SHANK2: variants seen among roughly 807,000 people sequenced by gnomAD.
SHANK2 encodes SH3 and multiple ankyrin repeat domains protein 2.
In SHANK2, 43 loss-of-function variants were observed where a neutral mutation model predicts 133.7. The observed-to-expected ratio is 0.32, with a 90% CI of 0.25 to 0.41. The LOEUF (loss-of-function observed/expected upper bound fraction) is 0.41, where lower values mean the gene tolerates loss of function less well. Ranked by LOEUF, SHANK2 falls within the 10% of genes least tolerant of loss-of-function variation. The pLI, the probability that SHANK2 is intolerant of heterozygous loss-of-function variation, is 1.00. For synonymous variants in SHANK2, 1,017 were observed against 952.8 expected (o/e 1.07, Z -1.24); for missense variants, 1,994 against 2,235.8 (o/e 0.89, Z 2.18).
chr11:70,819,931 T>A (rs1364573844), intron 12 of SHANK2, among the ~76,000 whole-genome samples: 2 of 152,184 alleles, frequency 1.3e-5, no homozygotes, highest in East Asian at 3.9e-4. Context: ...ACCCTCAATT[T>A]GGATAAGGTG....
At chr11:70,879,316 T>C (rs1949620126) in intron 11 of SHANK2, among the ~76,000 whole-genome samples, 1 of 152,264 alleles carries the variant, frequency 6.6e-6, no homozygotes, top group African/African-American at 2.4e-5. Flanking sequence ...AAACCTTTCC[T>C]CTGTGCAATT....
rs61386794 is a variant in SHANK2 at position 70,951,525 on chromosome 11, T to C, written c.1108-54958A>G. Among the ~76,000 whole-genome samples the C allele has an allele frequency of 8.8e-3, 1,099 of 125,272 alleles. 60 individuals carry two copies. The East Asian group carries it at 0.15, about 18-fold the overall frequency. 82.2% of individuals were successfully genotyped at this position (125,272 alleles called of 152,430 possible). ...ATTTCCCCTGGCTGCTGTGCTGTGA[T>C]GTCATAAATTCATTTCCCCTGGCTG... On this transcript the variant is annotated intron_variant, in intron 10 of 25. Coordinates refer to ENST00000601538, the MANE Select transcript of SHANK2 (RefSeq NM_012309.5).
At chr11:71,152,956 C>T (rs1952825416) in intron 2 of SHANK2, among the ~76,000 whole-genome samples, 1 of 152,204 alleles carries the variant, frequency 6.6e-6, no homozygotes, top group Non-Finnish European at 1.5e-5. Flanking sequence ...GCATTTCAGA[C>T]AAACAACAAA....
chr11:70,807,522 A>C lies in SHANK2; in HGVS notation c.1494-351T>G, dbSNP rs981920860. ...CCAAACATACAATGGAACGCTGTTT[A>C]GCCTCCATCAGGAATTAAACTCTGG... On this transcript the variant is annotated intron_variant, in intron 12 of 25. Coordinates refer to ENST00000601538, the MANE Select transcript of SHANK2 (RefSeq NM_012309.5). This position sits in a 1 kb window ranked among gnomAD's most constrained non-coding sequence, Gnocchi z 4.8. Among the ~76,000 whole-genome samples, 13 of 152,186 alleles carry C rather than the reference A, an allele frequency of 8.5e-5. No homozygotes were observed. Among genetic ancestry groups the C allele is most frequent in the Admixed American group, 8.5e-4 (13 of 15,274 alleles).
chr11:70,498,052 C>T (rs1373676651), intron 21 of SHANK2, among the ~76,000 whole-genome samples: 1 of 152,226 alleles, frequency 6.6e-6, no homozygotes, highest in Non-Finnish European at 1.5e-5. Context: ...TGGGGCTGCT[C>T]CACCTCTTCA....
intron 11 of SHANK2, chr11:70,896,242 A>G (rs1949932796): frequency 5.3e-6 from 2 of 376,968 alleles, no homozygotes. Context: ...AGGGACTGTC[A>G]GAATAGATCA....
chr11:70,737,383 G>A lies in SHANK2; in HGVS notation c.1778-38620C>T, dbSNP rs76349985. 5.8e-3 allele frequency among the ~76,000 whole-genome samples: 886 copies of A among 152,236 alleles called. 10 individuals are homozygous for A. The highest frequency in any genetic ancestry group is 0.02 in the African/African-American group (839 of 41,536). ...AATGATCCTCACCCATCAGGGTCCCGGGCTCAGCTCTGTGCCCTCTGCACC... is the reference window on the plus strand; with the variant it reads ...AATGATCCTCACCCATCAGGGTCCCAGGCTCAGCTCTGTGCCCTCTGCACC... On this transcript the variant is annotated intron_variant, in intron 14 of 25. Coordinates refer to ENST00000601538, the MANE Select transcript of SHANK2 (RefSeq NM_012309.5).
At chr11:71,125,710 C>T (rs1952169345) in intron 3 of SHANK2, among the ~76,000 whole-genome samples, 1 of 152,170 alleles carries the variant, frequency 6.6e-6, no homozygotes, top group African/African-American at 2.4e-5. Flanking sequence ...ATGAAGGCGG[C>T]TACACTAAAC....
At chr11:70,494,887 GC>G (rs782414613) in intron 21 of SHANK2, among the ~76,000 whole-genome samples, 2 of 152,176 alleles carry the variant, frequency 1.3e-5, no homozygotes, top group Non-Finnish European at 2.9e-5. Flanking sequence ...CCCCAATTCT[GC>G]GTCCCTGCTC....
intron 21 of SHANK2, among the ~76,000 whole-genome samples, chr11:70,493,373 T>TAAAA (rs71049919): frequency 8.1e-6 from 1 of 123,432 alleles, no homozygotes; most frequent in Non-Finnish European, 1.7e-5. Flanking sequence ...CCATTTCCTT[T>TAAAA]AAAAAAAAAA....
chr11:70,676,362 G>A (rs928806799), intron 15 of SHANK2, among the ~76,000 whole-genome samples: 2 of 152,238 alleles, frequency 1.3e-5, no homozygotes. Context: ...GGGACCTCTG[G>A]GAAAGGCTGG....
At chr11:70,660,059 C>T in intron 16 of SHANK2, 107 bp from the exon 17 acceptor site, 4 of 1,449,196 alleles carry the variant, frequency 2.8e-6, no homozygotes, top group Non-Finnish European at 2.9e-6. Flanking sequence ...CACTCATCTC[C>T]CATTGCAGGT....
intron 17 of SHANK2, among the ~76,000 whole-genome samples, chr11:70,619,250 G>T (rs2060798279): frequency 6.6e-6 from 1 of 152,212 alleles, no homozygotes; most frequent in Admixed American, 6.5e-5. Context: ...CAGTTCTGTA[G>T]GTCAGAGGGC....
intron 17 of SHANK2, among the ~76,000 whole-genome samples, chr11:70,526,077 ACTC>A (rs1455505920): frequency 1.4e-5 from 2 of 146,954 alleles, no homozygotes; most frequent in African/African-American, 5.1e-5. Context: ...AATGGAATGA[ACTC>A]CTGGTAGCAA....
chr11:71,250,954 GA>G (rs1555125753), intron 1 of SHANK2, among the ~76,000 whole-genome samples: 1 of 151,904 alleles, frequency 6.6e-6, no homozygotes, highest in Non-Finnish European at 1.5e-5. Flanking sequence ...AGTTTCAAAC[GA>G]AAAAGAGGTC....
At chr11:70,869,829 G>A (rs782338084) in intron 11 of SHANK2, among the ~76,000 whole-genome samples, 6 of 152,154 alleles carry the variant, frequency 3.9e-5, no homozygotes, top group African/African-American at 9.7e-5. Flanking sequence ...ACTTACTGCC[G>A]CACTGGGTGC....
intron 2 of SHANK2, among the ~76,000 whole-genome samples, chr11:71,195,095 T>G (rs1555115997): frequency 6.6e-6 from 1 of 152,170 alleles, no homozygotes; most frequent in Non-Finnish European, 1.5e-5. Flanking sequence ...TATTTAGTAT[T>G]AAAAAGTGCC....
At chr11:70,903,555 C>T (rs1244771975) in intron 10 of SHANK2, among the ~76,000 whole-genome samples, 2 of 152,112 alleles carry the variant, frequency 1.3e-5, no homozygotes, top group African/African-American at 2.4e-5. Context: ...ACTGGGGACT[C>T]GATCCATCAC....
intron 9 of SHANK2, among the ~76,000 whole-genome samples, chr11:71,060,752 AG>A (rs1950977472): frequency 6.6e-6 from 1 of 152,252 alleles, no homozygotes; most frequent in South Asian, 2.1e-4. Flanking sequence ...GCTGAGAAAA[AG>A]CAAACACAAG....
Sources: gnomAD v4.1 joint callset for allele counts (sites outside exome capture counted in the v4.1 genomes callset) on GRCh38, gnomAD v4.1.1 for gene constraint, Gnocchi (gnomAD v3.1) non-coding constraint, MANE v1.5 for transcripts, NCBI Gene and HGNC (gene_info 2026-07-23, HGNC 2026-07-21) for gene names.